CTXN2: variants seen among roughly 807,000 people sequenced by gnomAD.
CTXN2 encodes cortexin 2.
In CTXN2, 3 loss-of-function variants were observed where a neutral mutation model predicts 5.7. The observed-to-expected ratio is 0.53, with a 90% CI of 0.24 to 1.36. The LOEUF (loss-of-function observed/expected upper bound fraction) is 1.36, where lower values mean the gene tolerates loss of function less well. CTXN2 is among the 40% of genes most tolerant of loss of function. CTXN2 has a pLI of 0.17. For synonymous variants in CTXN2, 38 were observed against 36.4 expected, an observed-to-expected ratio of 1.04 and a Z score of -0.16; for missense variants, 87 against 93.0, an observed-to-expected ratio of 0.94 and a Z score of 0.26.
chr15:48,191,965 T>G, intron 1 of CTXN2, 112 bp downstream of exon 1: 2 of 375,340 alleles, frequency 5.3e-6, no homozygotes, highest in Non-Finnish European at 5.4e-6. Context: ...CTTGTATTTC[T>G]GAAGCAAAAG....
chr15:48,179,992 A>G lies in CTXN2; in HGVS notation c.-455+1592A>G, dbSNP rs549605073. ...GAGGCCTTTATGCTTCAAACAGAGT[A>G]GTAGGTACATGAGGAATACAAAAAT... On this transcript the variant is annotated intron_variant, in intron 1 of 2. Coordinates refer to the CTXN2 transcript ENST00000644354. Among the ~76,000 whole-genome samples the G allele has an allele frequency of 4.6e-5, 7 of 152,346 alleles. No individual in the cohort carries two copies. In the East Asian group the frequency reaches 1.2e-3, roughly 25 times the overall value.
chr15:48,200,229 G>C (rs2040916857), intron 1 of CTXN2, among the ~76,000 whole-genome samples: 1 of 152,122 alleles, frequency 6.6e-6, no homozygotes, highest in Non-Finnish European at 1.5e-5. Context: ...CGCAGTTATT[G>C]GATGAAAAGC....
intron 1 of CTXN2, among the ~76,000 whole-genome samples, chr15:48,183,690 T>C (rs953044771): frequency 6.6e-6 from 1 of 152,236 alleles, no homozygotes; most frequent in Non-Finnish European, 1.5e-5. Flanking sequence ...AGATAAAGTA[T>C]GTAAAAATAC....
chr15:48,184,602 T>C (rs1232761113), intron 1 of CTXN2, among the ~76,000 whole-genome samples: 1 of 152,178 alleles, frequency 6.6e-6, no homozygotes, highest in Non-Finnish European at 1.5e-5. Context: ...GAGAAACCAC[T>C]ATATATTATT....
intron 1 of CTXN2, among the ~76,000 whole-genome samples, chr15:48,200,241 A>C (rs951958083): frequency 6.6e-6 from 1 of 152,190 alleles, no homozygotes; most frequent in Non-Finnish European, 1.5e-5. Flanking sequence ...ATGAAAAGCT[A>C]TTTGGTGACA....
chr15:48,189,419 A>G (rs941780650), upstream of CTXN2: 4 of 152,212 alleles, frequency 2.6e-5, no homozygotes, highest in African/African-American at 9.7e-5. Context: ...TGACAAGTCA[A>G]AGTCTCCAAC....
intron 1 of CTXN2, among the ~76,000 whole-genome samples, chr15:48,182,626 T>G (rs1207373189): frequency 6.6e-6 from 1 of 152,244 alleles, no homozygotes; most frequent in Non-Finnish European, 1.5e-5. Context: ...TATATATATG[T>G]GTGTATATGC....
chr15:48,184,910 G>T (rs2040733387), intron 1 of CTXN2, among the ~76,000 whole-genome samples: 1 of 152,020 alleles, frequency 6.6e-6, no homozygotes, highest in Admixed American at 6.5e-5. Flanking sequence ...TCTTTCAACA[G>T]ATATATAGAT....
intron 1 of CTXN2, among the ~76,000 whole-genome samples, chr15:48,183,991 G>A (rs960145850): frequency 5.9e-5 from 9 of 152,084 alleles, no homozygotes; most frequent in Admixed American, 2.0e-4. Flanking sequence ...TAAAGTCCTC[G>A]GGACAGTTAC....
chr15:48,195,112 A>T (rs2040864409), intron 1 of CTXN2, among the ~76,000 whole-genome samples: 1 of 152,182 alleles, frequency 6.6e-6, no homozygotes, highest in Non-Finnish European at 1.5e-5. Context: ...CCAAGTCCAG[A>T]AATAAACTTG....
intron 1 of CTXN2, among the ~76,000 whole-genome samples, chr15:48,185,045 T>A (rs182579004): frequency 1.6e-4 from 25 of 152,264 alleles, no homozygotes; most frequent in Admixed American, 3.3e-4. Flanking sequence ...GAAGCCAGTT[T>A]GAAAGGGCAA....
At position 48,202,446 on chromosome 15, in the gene CTXN2, A is replaced by C. The variant is rs2040936459; in HGVS notation, c.*900A>C. On this transcript the variant is annotated 3_prime_UTR_variant, in exon 2 of 2. Coordinates refer to ENST00000417307, the MANE Select transcript of CTXN2 (RefSeq NM_001145668.2). ...AGAGATCTGAAATGAATGAGGATTT[A>C]AGATATCATGAAAAGTTTTTCAGAT... is the stretch of plus-strand genomic sequence containing the variant. 1 of 167,126 alleles carries C rather than the reference A, an allele frequency of 6.0e-6. No individual in the cohort carries two copies. Among genetic ancestry groups the C allele is most frequent in the African/African-American group, 2.4e-5 (1 of 41,474 alleles). 10.4% of individuals were successfully genotyped at this position (167,126 alleles called of 1,614,324 possible).
At chr15:48,190,743 C>A (rs2040810803), upstream of CTXN2, among the ~76,000 whole-genome samples, 1 of 152,052 alleles carries the variant, frequency 6.6e-6, no homozygotes. Context: ...TGGATAGAGT[C>A]GCAAAACATA....
intron 1 of CTXN2, among the ~76,000 whole-genome samples, chr15:48,184,051 T>C (rs1354353393): frequency 1.3e-5 from 2 of 152,246 alleles, no homozygotes; most frequent in African/African-American, 4.8e-5. Context: ...TTACAATTAA[T>C]CAGTCCTCAA....
intron 1 of CTXN2, 25 bp downstream of exon 1, chr15:48,191,878 A>T (rs536228619): frequency 2.2e-6 from 1 of 454,606 alleles, no homozygotes; most frequent in South Asian, 1.6e-5. Flanking sequence ...TCTGCGAAGT[A>T]ACTTTCTCCC....
At chr15:48,193,852 A>G (rs1453031498) in intron 1 of CTXN2, among the ~76,000 whole-genome samples, 2 of 152,138 alleles carry the variant, frequency 1.3e-5, no homozygotes, top group Non-Finnish European at 2.9e-5. Context: ...TTGTTGTTGA[A>G]ATGAGACAAG....
intron 1 of CTXN2, among the ~76,000 whole-genome samples, chr15:48,199,655 A>G (rs2040912202): frequency 6.6e-6 from 1 of 152,202 alleles, no homozygotes; most frequent in Non-Finnish European, 1.5e-5. Context: ...AAGAAGTTCC[A>G]GTTAAGTCTC....
chr15:48,189,097 A>G (rs748499843), upstream of CTXN2: 1 of 152,202 alleles, frequency 6.6e-6, no homozygotes, highest in Non-Finnish European at 1.5e-5. Context: ...TTTTGAGAGC[A>G]TCATTACCTT....
upstream of CTXN2, among the ~76,000 whole-genome samples, chr15:48,186,751 A>T (rs758875331): frequency 1.4e-4 from 22 of 151,918 alleles, no homozygotes; most frequent in East Asian, 3.9e-4. Flanking sequence ...ATACAAAAAA[A>T]AAATAAAAAT....
Sources: allele counts gnomAD v4.1 joint callset (sites outside exome capture counted in the v4.1 genomes callset), GRCh38; gene constraint gnomAD v4.1.1; transcripts MANE v1.5; gene names NCBI Gene and HGNC (gene_info 2026-07-23, HGNC 2026-07-21).